The following PCBP3 variants were observed in gnomAD, a reference collection of about 807,000 sequenced individuals.
The protein encoded by PCBP3 is poly(rC)-binding protein 3.
A neutral mutation model predicts 52.7 loss-of-function variants in PCBP3; 25 were observed. The observed-to-expected ratio is 0.47, with a 90% confidence interval of 0.35 to 0.66. The LOEUF is 0.66. Among genes scored for constraint, PCBP3 ranks in the 30% least tolerant of loss-of-function variants. The pLI, the probability that PCBP3 is intolerant of heterozygous loss-of-function variation, is 0.01. For synonymous variants in PCBP3, 162 were observed against 183.0 expected, an observed-to-expected ratio of 0.89 and a Z score of 0.93; for missense variants, 391 against 490.3, an observed-to-expected ratio of 0.80 and a Z score of 1.91.
At chr21:45,712,615 G>T (rs1202473178) in intron 2 of PCBP3, among the ~76,000 whole-genome samples, 1 of 151,912 alleles carries the variant, frequency 6.6e-6, no homozygotes, top group Non-Finnish European at 1.5e-5. Flanking sequence ...GTTGGTTTGT[G>T]GTCAGCATCT....
chr21:45,927,457 A>G lies in PCBP3; in HGVS notation c.718-2460A>G, dbSNP rs556249579. The stretch of plus-strand genomic sequence containing the variant: ...TTTTTCAACAGGGCAGAATTTTCCC[A>G]AAAAGTGGAAGGCCCCTTGGCACTT... On this transcript the variant is annotated intron_variant, in intron 13 of 17. Coordinates refer to ENST00000681687, the MANE Select transcript of PCBP3 (RefSeq NM_001384156.1). Among the ~76,000 whole-genome samples the G allele has an allele frequency of 2.9e-5, 4 of 137,476 alleles. No individual in the cohort carries two copies. In the South Asian group the frequency reaches 9.8e-4, roughly 34 times the overall value. 90.2% of individuals were successfully genotyped at this position (137,476 alleles called of 152,430 possible).
chr21:45,849,790 G>A (rs2093923291), intron 4 of PCBP3, among the ~76,000 whole-genome samples, 171 bp from the exon 5 acceptor site: 1 of 152,110 alleles, frequency 6.6e-6, no homozygotes, highest in South Asian at 2.1e-4. Context: ...AGCCCCAGGG[G>A]GGAGCGCTTG....
chr21:45,691,218 GAAGT>G lies in PCBP3; in HGVS notation c.-200+22270_-200+22273del, dbSNP rs1047380647. ...TGGATTCATCTTAAAAATGATGAAA[GAAGT>G]AAGCCAGACATAACAAAAGAAGTCA... On this transcript the variant is annotated intron_variant, in intron 2 of 17. Transcript: ENST00000681687. Among the ~76,000 whole-genome samples the G allele has an allele frequency of 2.6e-5, 4 of 151,644 alleles. No individual in the cohort carries two copies. The South Asian group carries it at 6.2e-4, about 24-fold the overall frequency.
At chr21:45,898,795 C>G (rs1394683162) in intron 6 of PCBP3, among the ~76,000 whole-genome samples, 8 of 118,890 alleles carry the variant, frequency 6.7e-5, no homozygotes, top group Non-Finnish European at 1.2e-4. Context: ...ATGCCGTCCT[C>G]ACGGCCTCCC....
Position 45,904,709 on chromosome 21 carries a change from C to T in PCBP3, c.339+3596C>T, listed in dbSNP as rs1340851141. 6.6e-6 allele frequency among the ~76,000 whole-genome samples: 1 copy of T among 152,196 alleles called. No homozygotes were observed. Among genetic ancestry groups the T allele is most frequent in the Non-Finnish European group, 1.5e-5 (1 of 68,034 alleles). On this transcript the variant is annotated intron_variant, in intron 9 of 17. Coordinates refer to ENST00000681687, the MANE Select transcript of PCBP3 (RefSeq NM_001384156.1). The surrounding 1 kb of genome is among the most constrained non-coding windows in gnomAD (Gnocchi z 4.8). ...GCCCATCCTGAAAACACACACATAA[C>T]AGCGAAAGTATTTCCAGTCCCAAGT...
At chr21:45,692,180 C>T (rs1320074175) in intron 2 of PCBP3, among the ~76,000 whole-genome samples, 1 of 152,128 alleles carries the variant, frequency 6.6e-6, no homozygotes, top group Non-Finnish European at 1.5e-5. Context: ...AGGCCACTCT[C>T]AAGTTCAGGG....
At chr21:45,807,832 A>G (rs895188941) in intron 4 of PCBP3, among the ~76,000 whole-genome samples, 1 of 152,080 alleles carries the variant, frequency 6.6e-6, no homozygotes, top group African/African-American at 2.4e-5. Flanking sequence ...CCAAAACAGC[A>G]TGGTACCAAA....
At position 45,763,711 on chromosome 21, in the gene PCBP3, C is replaced by G. The variant is rs749364205; in HGVS notation, c.-126+8259C>G. The G allele has an allele frequency of 2.6e-5, 4 of 152,490 alleles. No homozygotes were observed. The East Asian group carries it at 5.8e-4, about 22-fold the overall frequency. 9.4% of individuals were successfully genotyped at this position (152,490 alleles called of 1,614,324 possible). A position where few individuals can be genotyped will look rare whatever the true frequency, so the allele number is the denominator to read the frequency against. On this transcript the variant is annotated intron_variant, in intron 4 of 17. Coordinates refer to ENST00000681687, the MANE Select transcript of PCBP3 (RefSeq NM_001384156.1). ...GGGCCGCGCCCTCCCCGCGGGTCTCCCGTGCTGCTCGCTGGCGGTTGGTTT... is the reference window on the plus strand; with the variant it reads ...GGGCCGCGCCCTCCCCGCGGGTCTCGCGTGCTGCTCGCTGGCGGTTGGTTT...
intron 13 of PCBP3, among the ~76,000 whole-genome samples, chr21:45,923,820 C>T (rs565396986): frequency 7.5e-4 from 94 of 125,440 alleles, no homozygotes; most frequent in African/African-American, 1.2e-3. Flanking sequence ...CGGGTGTGCA[C>T]GAGGAGATGC....
At position 45,868,047 on chromosome 21, in the gene PCBP3, C is replaced by T. The variant is rs551623405; in HGVS notation, c.10+17952C>T. On this transcript the variant is annotated intron_variant, in intron 5 of 17. Coordinates refer to ENST00000681687, the MANE Select transcript of PCBP3 (RefSeq NM_001384156.1). Reference sequence around the variant, plus strand: ...GGGGGTCTGGCACCTCACTCGGAGGCGCAGTGGGCCCGTCCGGAATTAGTG... The same window carrying T: ...GGGGGTCTGGCACCTCACTCGGAGGTGCAGTGGGCCCGTCCGGAATTAGTG... 3.3e-5 allele frequency among the ~76,000 whole-genome samples: 5 copies of T among 152,386 alleles called. No individual in the cohort carries two copies. The East Asian group carries it at 9.6e-4, about 29-fold the overall frequency.
intron 4 of PCBP3, among the ~76,000 whole-genome samples, chr21:45,814,470 G>A (rs1317875818): frequency 9.3e-6 from 1 of 107,220 alleles, no homozygotes; most frequent in Non-Finnish European, 2.0e-5. Context: ...AGTGATGAGT[G>A]GTGAGTGAGT....
chr21:45,809,362 C>T (rs1238851383), intron 4 of PCBP3, among the ~76,000 whole-genome samples: 2 of 152,168 alleles, frequency 1.3e-5, no homozygotes, highest in African/African-American at 4.8e-5. Flanking sequence ...ACCATTTCCA[C>T]TCCACGCATT....
Position 45,736,786 on chromosome 21 carries a change from C to T in PCBP3, c.-162+1357C>T, listed in dbSNP as rs189392742. Among the ~76,000 whole-genome samples the T allele has an allele frequency of 3.3e-5, 5 of 152,278 alleles. No individual in the cohort carries two copies. The highest frequency in any genetic ancestry group is 1.9e-4 in the East Asian group (1 of 5,176). ...TACAGTGTGCCTGTGATGTCCCAGG[C>T]GCACTGCCAGAATCCTGACATCCTT... On this transcript the variant is annotated intron_variant, in intron 3 of 17. Coordinates refer to ENST00000681687, the MANE Select transcript of PCBP3 (RefSeq NM_001384156.1). This position sits in a 1 kb window ranked among gnomAD's most constrained non-coding sequence, Gnocchi z 4.6.
chr21:45,810,862 C>T (rs1297247607), intron 4 of PCBP3, among the ~76,000 whole-genome samples: 1 of 152,064 alleles, frequency 6.6e-6, no homozygotes, highest in East Asian at 1.9e-4. Context: ...TTCAAATTTC[C>T]TTTTACAGTT....
intron 2 of PCBP3, among the ~76,000 whole-genome samples, chr21:45,734,552 C>T (rs904513989): frequency 3.9e-5 from 6 of 152,228 alleles, no homozygotes; most frequent in Admixed American, 1.3e-4. Context: ...CATCTCTCCC[C>T]TTTCCTCTCT....
chr21:45,764,184 G>A (rs549215064), intron 4 of PCBP3, among the ~76,000 whole-genome samples: 70 of 149,958 alleles, frequency 4.7e-4, no homozygotes, highest in African/African-American at 1.4e-3. Context: ...GTGCAATGGC[G>A]CAATCTTGGC....
intron 2 of PCBP3, among the ~76,000 whole-genome samples, chr21:45,674,999 G>A (rs1156874929): frequency 6.6e-6 from 1 of 152,138 alleles, no homozygotes; most frequent in East Asian, 1.9e-4. Context: ...GCATCTTCAG[G>A]ACACAGCTTC....
At chr21:45,804,233 C>T (rs1218997634) in intron 4 of PCBP3, among the ~76,000 whole-genome samples, 1 of 152,124 alleles carries the variant, frequency 6.6e-6, no homozygotes, top group Non-Finnish European at 1.5e-5. Context: ...CAGGCTCTGG[C>T]GTGTTCACAG....
At chr21:45,901,190 C>T (rs2096025222) in intron 9 of PCBP3, 77 bp downstream of exon 9, 10 of 1,008,414 alleles carry the variant, frequency 9.9e-6, no homozygotes, top group Admixed American at 1.7e-5. Context: ...GGTCCTCTCC[C>T]CTACACCTGG....
Sources: gnomAD v4.1 joint callset for allele counts (sites outside exome capture counted in the v4.1 genomes callset) on GRCh38, gnomAD v4.1.1 for gene constraint, Gnocchi (gnomAD v3.1) non-coding constraint, MANE v1.5 for transcripts, NCBI Gene and HGNC (gene_info 2026-07-23, HGNC 2026-07-21) for gene names.